CACNA2D2: variants seen among roughly 807,000 people sequenced by gnomAD.
CACNA2D2 encodes the protein voltage-dependent calcium channel subunit alpha-2/delta-2.
Under a neutral mutation model 166.4 loss-of-function variants are expected in CACNA2D2, and 48 were observed. The observed-to-expected ratio is 0.29, with a 90% CI of 0.23 to 0.37. The LOEUF is 0.37. Among genes scored for constraint, CACNA2D2 ranks in the 10% least tolerant of loss-of-function variants. The pLI is 1.00. For synonymous variants in CACNA2D2, 561 were observed against 573.7 expected, an observed-to-expected ratio of 0.98 and a Z score of 0.32; for missense variants, 1,122 against 1,433.0, an observed-to-expected ratio of 0.78 and a Z score of 3.50.
At chr3:50,482,762 G>C (rs931409564) in intron 1 of CACNA2D2, among the ~76,000 whole-genome samples, 12 of 152,212 alleles carry the variant, frequency 7.9e-5, no homozygotes, top group Non-Finnish European at 1.6e-4. Flanking sequence ...GCAGAGACCT[G>C]GTGGGGTGCC....
At chr3:50,373,188 T>G in intron 22 of CACNA2D2, 2 of 937,178 alleles carry the variant, frequency 2.1e-6, no homozygotes, top group Non-Finnish European at 3.3e-6. Context: ...AAACAATATT[T>G]TATTCAATGG....
At position 50,377,777 on chromosome 3, in the gene CACNA2D2, G is replaced by C. The variant is rs942204402; in HGVS notation, c.1506C>G (p.Thr502=). The stretch of plus-strand genomic sequence containing the variant: ...CCTGTGTCAGGTTGAAAACAGGGAG[G>C]GTCCCTGTTACCACCAACCCCAGTC... ...ALGLGLVVTG[T]LPVFNLTQDG... is the part of the protein sequence containing the mutation. Residue 502 remains threonine, a synonymous_variant, in exon 16 of 38, where the codon ACC becomes ACG. Transcript: ENST00000424201. 5 of 1,613,184 alleles carry C rather than the reference G, an allele frequency of 3.1e-6. No homozygotes were observed. The highest frequency in any genetic ancestry group is 4.2e-6 in the Non-Finnish European group (5 of 1,179,816).
At chr3:50,418,411 T>C (rs1707370991) in intron 3 of CACNA2D2, among the ~76,000 whole-genome samples, 1 of 152,224 alleles carries the variant, frequency 6.6e-6, no homozygotes, top group Admixed American at 6.5e-5. Flanking sequence ...AGCCCCTTCC[T>C]GCCTTTGCTT....
At chr3:50,494,840 A>G (rs536791421) in intron 1 of CACNA2D2, among the ~76,000 whole-genome samples, 2 of 151,702 alleles carry the variant, frequency 1.3e-5, no homozygotes, top group African/African-American at 4.8e-5. Context: ...ACACCTGGCT[A>G]ATTTTTGTAT....
chr3:50,418,295 T>A (rs941149932), intron 3 of CACNA2D2, among the ~76,000 whole-genome samples: 2 of 152,082 alleles, frequency 1.3e-5, no homozygotes, highest in African/African-American at 4.8e-5. Flanking sequence ...GCTTCCAGAG[T>A]GTCCAATGCC....
chr3:50,393,698 GGGAAGGGAAGTCA>G (rs1251326224), intron 4 of CACNA2D2, among the ~76,000 whole-genome samples: 1 of 152,240 alleles, frequency 6.6e-6, no homozygotes. Context: ...AGGGAAGTCA[GGGAAGGGAAGTCA>G]GGGAAGGGCA....
At chr3:50,476,062 T>C in intron 2 of CACNA2D2, 56 bp downstream of exon 2, 2 of 1,419,440 alleles carry the variant, frequency 1.4e-6, no homozygotes, top group Non-Finnish European at 1.9e-6. Flanking sequence ...TCTGAAGCTT[T>C]TCCCCTTCCC....
At chr3:50,454,151 C>T (rs945159619) in intron 2 of CACNA2D2, among the ~76,000 whole-genome samples, 2 of 152,252 alleles carry the variant, frequency 1.3e-5, no homozygotes, top group Non-Finnish European at 2.9e-5. Flanking sequence ...GGCGCACCCA[C>T]AGGCACCAGA....
chr3:50,483,181 A>G (rs896250634), intron 1 of CACNA2D2, among the ~76,000 whole-genome samples: 1 of 152,166 alleles, frequency 6.6e-6, no homozygotes, highest in African/African-American at 2.4e-5. Flanking sequence ...GCCCATCTTC[A>G]ATCTATTTGT....
At chr3:50,502,443 C>T (rs1699014030) in intron 1 of CACNA2D2, among the ~76,000 whole-genome samples, 1 of 152,210 alleles carries the variant, frequency 6.6e-6, no homozygotes, top group South Asian at 2.1e-4. Flanking sequence ...GGAGGCAGCC[C>T]GAGTTTGCTG....
At chr3:50,381,209 C>T (rs1259681859) in intron 6 of CACNA2D2, 83 bp from the exon 7 acceptor site, 1 of 1,505,446 alleles carries the variant, frequency 6.6e-7, no homozygotes, top group Non-Finnish European at 9.2e-7. Flanking sequence ...ATGCCTGTGC[C>T]CCCATTTAGA....
In CACNA2D2 at chr3:50,376,406, G is replaced by A. The variant is rs751648304; in HGVS notation, c.1627-218C>T. Among the ~76,000 whole-genome samples the A allele has an allele frequency of 1.9e-4, 29 of 152,112 alleles. No homozygotes were observed. The highest frequency in any genetic ancestry group is 4.0e-4 in the Non-Finnish European group (27 of 68,024). On this transcript the variant is annotated intron_variant, in intron 17 of 37. Coordinates refer to ENST00000424201, the MANE Select transcript of CACNA2D2 (RefSeq NM_006030.4). The surrounding 1 kb of genome is among the most constrained non-coding windows in gnomAD (Gnocchi z 4.3). ...GCACCAGCCCTTGCCAAGGCTAACC[G>A]GCGTGTGGGCTGCTGCTCTGCAGTC...
intron 4 of CACNA2D2, 126 bp from the exon 5 acceptor site, chr3:50,387,738 C>T (rs979297524): frequency 1.4e-6 from 1 of 727,706 alleles, no homozygotes. Context: ...TTTCCCCCAC[C>T]CAGAGCCCCC....
At chr3:50,408,850 A>G (rs1302612519) in intron 3 of CACNA2D2, among the ~76,000 whole-genome samples, 2 of 152,226 alleles carry the variant, frequency 1.3e-5, no homozygotes, top group East Asian at 3.9e-4. Context: ...CATGGCACCA[A>G]CTGGAGAGGG....
Position 50,366,849 on chromosome 3 carries a change from G to A in CACNA2D2, c.2571C>T (p.His857=). Residue 857 remains histidine (H), a synonymous_variant, in exon 29 of 38, where the codon CAC becomes CAT. Coordinates refer to ENST00000424201, the MANE Select transcript of CACNA2D2 (RefSeq NM_006030.4). The surrounding 1 kb of genome is among the most constrained non-coding windows in gnomAD (Gnocchi z 5.9). ...CAAATACCTTCTGAGGCTGGTCTTGGTGGGTACGGTTGCTGGCTAGCACCT... is the reference window on the plus strand; with the variant it reads ...CAAATACCTTCTGAGGCTGGTCTTGATGGGTACGGTTGCTGGCTAGCACCT... ...KFKVLASNRT[H]QDQPQKCGPN... The A allele has an allele frequency of 1.2e-6, 2 of 1,613,564 alleles. No homozygotes were observed. The highest frequency in any genetic ancestry group is 1.7e-6 in the Non-Finnish European group (2 of 1,179,996).
chr3:50,375,698 A>G lies in CACNA2D2; in HGVS notation c.1853T>C (p.Ile618Thr), dbSNP rs761780230. 1 of 1,613,150 alleles carries G rather than the reference A, an allele frequency of 6.2e-7. No individual in the cohort carries two copies. The highest frequency in any genetic ancestry group is 8.5e-7 in the Non-Finnish European group (1 of 1,179,902). The change falls in exon 21 of 38, where the codon ATA (isoleucine) becomes ACA (threonine). Residue 618 changes from isoleucine to threonine, a missense_variant. Physicochemically the swap from Ile to Thr is moderately conservative, Grantham distance 89. Transcript: ENST00000424201. The surrounding 1 kb of genome is among the most constrained non-coding windows in gnomAD (Gnocchi z 4.0). ...GGTGTAGTTCCGTGTCACCTCATCT[A>G]TGTACCTCTGGGAGAGGAGGCTGGG... is the stretch of plus-strand genomic sequence containing the variant. ...TLVKSLDERY[I>T]DEVTRNYTWV... is the part of the protein sequence containing the mutation.
chr3:50,445,751 T>C (rs58418366), intron 2 of CACNA2D2, among the ~76,000 whole-genome samples: 2,818 of 152,280 alleles, frequency 0.019, 100 homozygotes, highest in African/African-American at 0.065. Flanking sequence ...CAGCCTATCC[T>C]GGGCTCTCAC....
chr3:50,431,631 T>C (rs1411708416), intron 3 of CACNA2D2, among the ~76,000 whole-genome samples: 1 of 152,084 alleles, frequency 6.6e-6, no homozygotes, highest in Admixed American at 6.5e-5. Flanking sequence ...CATGATAGAC[T>C]CAGCACACGG....
chr3:50,477,151 G>A (rs1341603042), intron 1 of CACNA2D2, among the ~76,000 whole-genome samples: 3 of 151,636 alleles, frequency 2.0e-5, no homozygotes, highest in Non-Finnish European at 4.4e-5. Context: ...GGATGGTCTC[G>A]ATCTCCTGAC....
Sources: gnomAD v4.1 joint callset for allele counts (sites outside exome capture counted in the v4.1 genomes callset) on GRCh38, gnomAD v4.1.1 for gene constraint, Gnocchi (gnomAD v3.1) non-coding constraint, MANE v1.5 for transcripts, NCBI Gene and HGNC (gene_info 2026-07-23, HGNC 2026-07-21) for gene names.